The following UBAP1 variants were observed in gnomAD, a reference collection of about 807,000 sequenced individuals.
The protein encoded by UBAP1 is ubiquitin-associated protein 1.
A neutral mutation model predicts 39.0 loss-of-function variants in UBAP1; 5 were observed. That is an observed-to-expected ratio of 0.13 (90% CI 0.07 to 0.27). UBAP1 has a LOEUF of 0.27. Among genes scored for constraint, UBAP1 ranks in the 10% least tolerant of loss-of-function variants. The pLI is 1.00. For synonymous variants in UBAP1, 211 were observed against 225.1 expected (o/e 0.94, Z 0.56); for missense variants, 490 against 608.1 (o/e 0.81, Z 2.04).
chr9:34,228,255 A>G (rs1344881504), intron 2 of UBAP1, among the ~76,000 whole-genome samples: 1 of 151,810 alleles, frequency 6.6e-6, no homozygotes, highest in East Asian at 2.0e-4. Flanking sequence ...CATCTCTACT[A>G]AAAATACAAA....
intron 1 of UBAP1, among the ~76,000 whole-genome samples, chr9:34,217,965 G>A (rs1832430249): frequency 6.6e-6 from 1 of 150,576 alleles, no homozygotes; most frequent in South Asian, 2.1e-4. Context: ...AAAAAGCCAA[G>A]CATCTGGCTG....
At chr9:34,234,763 C>T (rs1313176136) in intron 3 of UBAP1, among the ~76,000 whole-genome samples, 5 of 152,168 alleles carry the variant, frequency 3.3e-5, no homozygotes, top group African/African-American at 9.7e-5. Flanking sequence ...GACAGTCTTA[C>T]AAAAGTATAG....
intron 2 of UBAP1, among the ~76,000 whole-genome samples, chr9:34,223,764 AT>A (rs937794386): frequency 6.6e-6 from 1 of 152,136 alleles, no homozygotes; most frequent in African/African-American, 2.4e-5. Context: ...CCAAAGTGTT[AT>A]TGTTTAAATG....
chr9:34,237,793 C>T (rs1833777214), intron 3 of UBAP1, among the ~76,000 whole-genome samples: 1 of 152,162 alleles, frequency 6.6e-6, no homozygotes, highest in South Asian at 2.1e-4. Context: ...GTCTTGAGCT[C>T]CTGGCCTCAA....
intron 1 of UBAP1, among the ~76,000 whole-genome samples, chr9:34,194,541 C>T (rs1028577857): frequency 6.6e-6 from 1 of 152,100 alleles, no homozygotes; most frequent in African/African-American, 2.4e-5. Flanking sequence ...GTCTCGATCT[C>T]CCGACCTCGT....
rs370993847 is a variant in UBAP1 at position 34,231,790 on chromosome 9, G to A, written c.35-2426G>A. On this transcript the variant is annotated intron_variant, in intron 2 of 6. Coordinates refer to ENST00000297661, the MANE Select transcript of UBAP1 (RefSeq NM_016525.5). The stretch of plus-strand genomic sequence containing the variant: ...CTCCCCAGTAGCTGGGACTACAGGC[G>A]CCCCCACTGCGCCCGGCTCATTTTT... 3.2e-4 allele frequency among the ~76,000 whole-genome samples: 48 copies of A among 151,916 alleles called. 1 individual carries two copies. The South Asian group carries it at 5.6e-3, about 18-fold the overall frequency.
chr9:34,235,926 C>T (rs1014856307), intron 3 of UBAP1, among the ~76,000 whole-genome samples: 1 of 150,276 alleles, frequency 6.7e-6, no homozygotes, highest in Non-Finnish European at 1.5e-5. Flanking sequence ...CTCTTTCTGT[C>T]TCTATGTAAC....
rs57040252 is a variant in UBAP1, at chr9:34,195,927, G to GTTTTTTTTTT, written c.-8+16715_-8+16724dup. On this transcript the variant is annotated intron_variant, in intron 1 of 6. Coordinates refer to ENST00000297661, the MANE Select transcript of UBAP1 (RefSeq NM_016525.5). ...TTTGGATTTCTATACAAATTTTTTG[G>GTTTTTTTTTT]TTTTTTTTTTTTTTTTTTTTTTTTT... 1.4e-3 allele frequency among the ~76,000 whole-genome samples: 52 copies of GTTTTTTTTTT among 36,158 alleles called. 14 individuals are homozygous for GTTTTTTTTTT. The highest frequency in any genetic ancestry group is 4.1e-3 in the East Asian group (4 of 984). The allele number at this position is 36,158 out of a possible 152,430, so 23.7% of individuals were successfully genotyped here. A position where few individuals can be genotyped will look rare whatever the true frequency, so the allele number is the denominator to read the frequency against.
intron 1 of UBAP1, among the ~76,000 whole-genome samples, chr9:34,209,120 T>C (rs1831880387): frequency 6.6e-6 from 1 of 152,014 alleles, no homozygotes; most frequent in African/African-American, 2.4e-5. Flanking sequence ...GTATTTTTAG[T>C]AGAGATGGAG....
intron 2 of UBAP1, among the ~76,000 whole-genome samples, chr9:34,228,013 C>G (rs555000072): frequency 1.3e-5 from 2 of 152,092 alleles, no homozygotes; most frequent in African/African-American, 4.8e-5. Flanking sequence ...CCTGTAGTCT[C>G]AGCTACTCAG....
At chr9:34,183,764 GTTTGTTT>G (rs923785312) in intron 1 of UBAP1, among the ~76,000 whole-genome samples, 7 of 145,702 alleles carry the variant, frequency 4.8e-5, no homozygotes, top group South Asian at 4.4e-4. Context: ...CTTTTTTTTT[GTTTGTTT>G]TTTGTTTTTT....
intron 1 of UBAP1, among the ~76,000 whole-genome samples, chr9:34,187,183 C>T (rs1830452033): frequency 6.6e-6 from 1 of 152,244 alleles, no homozygotes; most frequent in African/African-American, 2.4e-5. Context: ...GCTGGGATTA[C>T]AGGCGTGAGC....
chr9:34,226,609 T>C (rs1248443422), intron 2 of UBAP1, among the ~76,000 whole-genome samples: 1 of 152,206 alleles, frequency 6.6e-6, no homozygotes, highest in African/African-American at 2.4e-5. Flanking sequence ...CTCAGGAGCC[T>C]GGGACAGGAG....
At chr9:34,180,112 T>C (rs541477442) in intron 1 of UBAP1, among the ~76,000 whole-genome samples, 134 of 152,328 alleles carry the variant, frequency 8.8e-4, no homozygotes, top group African/African-American at 3.0e-3. Context: ...TGAATAGATA[T>C]GATGGATGTT....
rs1001901196 is a variant in UBAP1, at chr9:34,179,045, G to A, written c.-203G>A. 17 of 1,267,044 alleles carry A rather than the reference G, an allele frequency of 1.3e-5. No individual in the cohort carries two copies. Among genetic ancestry groups the A allele is most frequent in the Admixed American group, 8.0e-5 (2 of 25,036 alleles). The allele number at this position is 1,267,044 out of a possible 1,614,324, so 78.5% of individuals were successfully genotyped here. ...TGGGGCGGTGAGGGGAAGGAGGAGG[G>A]AAGTAGGACTTCAACATGGCGGCTG... is the stretch of plus-strand genomic sequence containing the variant. On this transcript the variant is annotated 5_prime_UTR_variant, in exon 1 of 7. Coordinates refer to ENST00000297661, the MANE Select transcript of UBAP1 (RefSeq NM_016525.5).
chr9:34,218,501 A>G (rs1225320444), intron 1 of UBAP1, among the ~76,000 whole-genome samples: 1 of 107,940 alleles, frequency 9.3e-6, no homozygotes, highest in Non-Finnish European at 2.0e-5. Context: ...AATTTTCTGC[A>G]TATGTCTGTG....
intron 2 of UBAP1, among the ~76,000 whole-genome samples, chr9:34,225,939 C>T (rs1293434874): frequency 1.3e-5 from 2 of 152,014 alleles, no homozygotes; most frequent in African/African-American, 4.8e-5. Flanking sequence ...TAGCCCCCCT[C>T]CTTAAATCAC....
At chr9:34,191,343 C>T (rs188836872) in intron 1 of UBAP1, among the ~76,000 whole-genome samples, 35 of 152,244 alleles carry the variant, frequency 2.3e-4, no homozygotes, top group African/African-American at 6.0e-4. Context: ...GCAGTCTTCC[C>T]ACCTTGGCCT....
intron 1 of UBAP1, among the ~76,000 whole-genome samples, chr9:34,182,671 CTTTCTT>C (rs1421937903): frequency 0.013 from 1,182 of 87,980 alleles, 41 homozygotes; most frequent in East Asian, 0.025. Flanking sequence ...TTCTTTCTTT[CTTTCTT>C]TCTTTCTCTC....
Sources: gnomAD v4.1 joint callset for allele counts (sites outside exome capture counted in the v4.1 genomes callset) on GRCh38, gnomAD v4.1.1 for gene constraint, MANE v1.5 for transcripts, NCBI Gene and HGNC (gene_info 2026-07-23, HGNC 2026-07-21) for gene names.